The following PRKD1 variants were observed in gnomAD, a reference collection of about 807,000 sequenced individuals.
PRKD1 encodes protein kinase D1.
A neutral mutation model predicts 95.9 loss-of-function variants in PRKD1; 63 were observed. The observed-to-expected ratio is 0.66, with a 90% CI of 0.54 to 0.81. PRKD1 has a LOEUF of 0.81. Ranked by LOEUF, PRKD1 falls within the 30% of genes least tolerant of loss-of-function variation. The pLI, the probability that PRKD1 is intolerant of heterozygous loss-of-function variation, is 0.00. For missense variants in PRKD1, 1,048 were observed against 1,165.3 expected, an observed-to-expected ratio of 0.90 and a Z score of 1.47; for synonymous variants, 425 against 423.1, an observed-to-expected ratio of 1.00 and a Z score of -0.05.
chr14:29,867,746 ACT>A (rs1015512684), intron 1 of PRKD1, among the ~76,000 whole-genome samples: 1 of 152,192 alleles, frequency 6.6e-6, no homozygotes, highest in Non-Finnish European at 1.5e-5. Flanking sequence ...GGTTTCTGAC[ACT>A]CTGCTTAGTG....
intron 2 of PRKD1, among the ~76,000 whole-genome samples, chr14:29,679,157 AG>A (rs1450140352): frequency 6.6e-6 from 1 of 152,268 alleles, no homozygotes; most frequent in African/African-American, 2.4e-5. Flanking sequence ...TGGAAATTTA[AG>A]ATGGAAGAAA....
chr14:29,866,000 T>C (rs1340827225), intron 1 of PRKD1, among the ~76,000 whole-genome samples: 1 of 152,204 alleles, frequency 6.6e-6, no homozygotes, highest in Non-Finnish European at 1.5e-5. Flanking sequence ...ATTCTTTGAA[T>C]ATAATTTTTA....
intron 1 of PRKD1, among the ~76,000 whole-genome samples, chr14:29,769,882 T>C (rs746080567): frequency 2.6e-5 from 4 of 152,236 alleles, no homozygotes; most frequent in Non-Finnish European, 5.9e-5. Context: ...ATACCTGCTA[T>C]GATCTAAACG....
At chr14:29,771,945 C>T (rs1594503192) in intron 1 of PRKD1, among the ~76,000 whole-genome samples, 1 of 152,254 alleles carries the variant, frequency 6.6e-6, no homozygotes, top group South Asian at 2.1e-4. Context: ...GGAATATCTA[C>T]CCCGTGTCTG....
At chr14:29,715,460 A>G (rs1885560216) in intron 2 of PRKD1, among the ~76,000 whole-genome samples, 1 of 152,160 alleles carries the variant, frequency 6.6e-6, no homozygotes, top group Non-Finnish European at 1.5e-5. Context: ...ATATGGTTAA[A>G]AGCTACCACA....
intron 2 of PRKD1, among the ~76,000 whole-genome samples, chr14:29,691,596 T>C (rs1884237497): frequency 6.6e-6 from 1 of 152,152 alleles, no homozygotes; most frequent in Non-Finnish European, 1.5e-5. Context: ...GCACCCAAAG[T>C]AACAATTATT....
In PRKD1 at chr14:29,603,747, G is replaced by A. The variant is rs531843586; in HGVS notation, c.1906-3930C>T. On this transcript the variant is annotated intron_variant, in intron 13 of 17. Transcript: ENST00000331968. ...AGACTGCAACATCAATCATGGCATA[G>A]TAGTGTGCAAAAAGAGTTTTGCCCA... Among the ~76,000 whole-genome samples the A allele has an allele frequency of 3.9e-5, 6 of 152,224 alleles. No individual in the cohort carries two copies. In the South Asian group the frequency reaches 8.3e-4, roughly 21 times the overall value.
chr14:29,709,224 C>T (rs1293553074), intron 2 of PRKD1, among the ~76,000 whole-genome samples: 1 of 152,042 alleles, frequency 6.6e-6, no homozygotes, highest in Non-Finnish European at 1.5e-5. Flanking sequence ...AAAAGACATA[C>T]AATTTATTTC....
chr14:29,608,484 G>A (rs1878179923), intron 13 of PRKD1, among the ~76,000 whole-genome samples: 1 of 151,998 alleles, frequency 6.6e-6, no homozygotes. Context: ...GGGAAAGGTG[G>A]ACTCCTTTTT....
chr14:29,639,076 T>C (rs1028797229), intron 4 of PRKD1, among the ~76,000 whole-genome samples, 172 bp from the exon 5 acceptor site: 1 of 152,052 alleles, frequency 6.6e-6, no homozygotes, highest in Non-Finnish European at 1.5e-5. Context: ...TCCCCATTTC[T>C]ATTTGAGTTA....
chr14:29,733,264 G>C (rs935416621), intron 1 of PRKD1, among the ~76,000 whole-genome samples: 4 of 151,692 alleles, frequency 2.6e-5, no homozygotes, highest in South Asian at 2.1e-4. Context: ...CACCACACCT[G>C]GCTAATTTTT....
At chr14:29,885,818 A>T (rs1262667550) in intron 1 of PRKD1, among the ~76,000 whole-genome samples, 1 of 149,018 alleles carries the variant, frequency 6.7e-6, no homozygotes. Flanking sequence ...AAAAAAAAAA[A>T]AAAAAAAAAA....
In PRKD1 at chr14:29,671,330, G is replaced by C. The variant is rs914882956; in HGVS notation, c.404-5122C>G. 6.6e-5 allele frequency among the ~76,000 whole-genome samples: 10 copies of C among 152,082 alleles called. 1 individual carries two copies. The highest frequency in any genetic ancestry group is 1.9e-4 in the African/African-American group (8 of 41,434). ...AAAAGTAAAGAATCAACAGCAGAAG[G>C]ACCAGCACAGAGTCAGGTTGAATGC... On this transcript the variant is annotated intron_variant, in intron 2 of 17. Coordinates refer to ENST00000331968, the MANE Select transcript of PRKD1 (RefSeq NM_002742.3).
intron 2 of PRKD1, among the ~76,000 whole-genome samples, chr14:29,676,545 G>T (rs1473866799): frequency 2.0e-5 from 3 of 152,126 alleles, no homozygotes; most frequent in Non-Finnish European, 4.4e-5. Context: ...AGTAGAGACG[G>T]GGTTTCACCA....
At chr14:29,859,607 CA>C (rs60316151) in intron 1 of PRKD1, among the ~76,000 whole-genome samples, 42,317 of 124,440 alleles carry the variant, frequency 0.34, 8,476 homozygotes, top group African/African-American at 0.62. Flanking sequence ...GACTCTGTCT[CA>C]AAAAAAAAAA....
intron 2 of PRKD1, among the ~76,000 whole-genome samples, chr14:29,673,481 C>T (rs1882983227): frequency 6.6e-6 from 1 of 152,222 alleles, no homozygotes; most frequent in African/African-American, 2.4e-5. Flanking sequence ...TGCCTACCCC[C>T]ACCTGCAAAA....
At chr14:29,729,254 T>C (rs182044343) in intron 1 of PRKD1, among the ~76,000 whole-genome samples, 31 of 152,254 alleles carry the variant, frequency 2.0e-4, no homozygotes, top group African/African-American at 6.7e-4. Context: ...CTTGGTATTA[T>C]ATCTTCCTTA....
chr14:29,888,701 CA>C (rs951511344), intron 1 of PRKD1, among the ~76,000 whole-genome samples: 6 of 151,510 alleles, frequency 4.0e-5, no homozygotes, highest in Admixed American at 2.6e-4. Flanking sequence ...AGGAGTCATG[CA>C]AAAAAAACCA....
At chr14:29,670,446 G>T (rs1053053038) in intron 2 of PRKD1, among the ~76,000 whole-genome samples, 5 of 152,182 alleles carry the variant, frequency 3.3e-5, no homozygotes, top group Non-Finnish European at 7.3e-5. Context: ...CAGGATAAAA[G>T]AGTGAACATT....
Sources: gnomAD v4.1 joint callset for allele counts (sites outside exome capture counted in the v4.1 genomes callset) on GRCh38, gnomAD v4.1.1 for gene constraint, MANE v1.5 for transcripts, NCBI Gene and HGNC (gene_info 2026-07-23, HGNC 2026-07-21) for gene names.